Variants in WRN observed in about 807,000 individuals in gnomAD.
WRN encodes WRN RecQ like helicase.
In WRN, 149 loss-of-function variants were observed where a neutral mutation model predicts 180.7. The ratio of observed to expected loss-of-function variants is 0.82; its 90% CI spans 0.72 to 0.94. WRN has a LOEUF of 0.94. WRN is among the 40% of genes least tolerant of loss of function. The pLI is 0.00. For missense variants in WRN, 1,661 were observed against 1,700.1 expected (o/e 0.98, Z 0.40); for synonymous variants, 548 against 568.9 (o/e 0.96, Z 0.52).
At chr8:31,121,831 G>A (rs970773831) in intron 21 of WRN, among the ~76,000 whole-genome samples, 3 of 151,644 alleles carry the variant, frequency 2.0e-5, no homozygotes, top group African/African-American at 4.8e-5. Context: ...TCCTTTTTTT[G>A]TACATAACAA....
intron 19 of WRN, 144 bp downstream of exon 19, chr8:31,111,943 C>A: frequency 3.0e-6 from 3 of 1,009,716 alleles, no homozygotes; most frequent in Non-Finnish European, 2.9e-6. Flanking sequence ...TCAAGTCAAG[C>A]ATGATGTTAT....
chr8:31,102,530 A>G (rs552746227), intron 18 of WRN, among the ~76,000 whole-genome samples: 2 of 152,352 alleles, frequency 1.3e-5, no homozygotes, highest in South Asian at 4.1e-4. Flanking sequence ...ACCTGTACAG[A>G]TGTTACTGTA....
At chr8:31,171,513 C>G (rs1804101719) in intron 34 of WRN, 1 of 152,146 alleles carries the variant, frequency 6.6e-6, no homozygotes, top group South Asian at 2.1e-4. Flanking sequence ...ATTTCTAAGT[C>G]ATAGTATCTT....
chr8:31,077,365 C>G (rs536296930), intron 8 of WRN, among the ~76,000 whole-genome samples: 3 of 152,098 alleles, frequency 2.0e-5, no homozygotes, highest in South Asian at 2.1e-4. Context: ...CTCAGCCTCC[C>G]GAGTAGCTGG....
At chr8:31,074,077 C>A (rs879813957) in intron 7 of WRN, among the ~76,000 whole-genome samples, 1 of 151,198 alleles carries the variant, frequency 6.6e-6, no homozygotes. Context: ...CCACCATGCC[C>A]GGCTAATTTT....
At chr8:31,075,055 T>C (rs964951195) in intron 7 of WRN, among the ~76,000 whole-genome samples, 2 of 152,164 alleles carry the variant, frequency 1.3e-5, no homozygotes, top group East Asian at 3.9e-4. Context: ...AAGAAAAGAT[T>C]GTCGGAAATG....
At chr8:31,072,058 G>A (rs995580940) in intron 7 of WRN, among the ~76,000 whole-genome samples, 2 of 152,184 alleles carry the variant, frequency 1.3e-5, no homozygotes, top group African/African-American at 4.8e-5. Context: ...TAGCACAGAG[G>A]ACAGTTTGAG....
rs1018584384 is a variant in WRN at position 31,076,400 on chromosome 8, T to C, written c.839+113T>C. 3 of 863,444 alleles carry C rather than the reference T, an allele frequency of 3.5e-6. No homozygotes were observed. The African/African-American group carries it at 5.1e-5, about 15-fold the overall frequency. The allele number at this position is 863,444 out of a possible 1,614,324, so 53.5% of individuals were successfully genotyped here. ...TTAAGGCTGACTCATAGAAATTTGC[T>C]TGAATACACACACACAGACTGATGC... On this transcript the variant is annotated intron_variant, in intron 8 of 34. Transcript: ENST00000298139.
chr8:31,154,845 G>T, intron 32 of WRN, 90 bp downstream of exon 32: 1 of 1,499,554 alleles, frequency 6.7e-7, no homozygotes, highest in Non-Finnish European at 9.2e-7. Context: ...TCTGACTTGG[G>T]ATCAATTTCC....
At chr8:31,122,874 T>G (rs939369805) in intron 21 of WRN, among the ~76,000 whole-genome samples, 1 of 144,000 alleles carries the variant, frequency 6.9e-6, no homozygotes, top group African/African-American at 2.5e-5. Context: ...TTTTTTTTTT[T>G]TTTTTTTTTT....
Position 31,142,702 on chromosome 8 carries a change from GT to G in WRN, c.3309+4del. On this transcript the variant is annotated splice_donor_variant, in intron 27 of 34. Transcript: ENST00000298139. LOFTEE classifies it high-confidence loss of function. ...AGTTGAATTAAGTACAGAGAAGAAGGTTTGTTTTAAAGAAATTGTTCTGATT... is the reference window on the plus strand; with the variant it reads ...AGTTGAATTAAGTACAGAGAAGAAGGTTGTTTTAAAGAAATTGTTCTGATT... 1 of 1,597,690 alleles carries G rather than the reference GT, an allele frequency of 6.3e-7. No individual in the cohort carries two copies. The highest frequency in any genetic ancestry group is 8.5e-7 in the Non-Finnish European group (1 of 1,171,196).
chr8:31,156,305 G>A (rs1205509026), intron 32 of WRN, among the ~76,000 whole-genome samples: 3 of 152,076 alleles, frequency 2.0e-5, no homozygotes, highest in African/African-American at 7.2e-5. Flanking sequence ...TGTGTCTTTT[G>A]GTATTATTTG....
intron 30 of WRN, among the ~76,000 whole-genome samples, chr8:31,148,496 G>T (rs1030452493): frequency 8.6e-5 from 13 of 151,928 alleles, no homozygotes; most frequent in African/African-American, 3.1e-4. Context: ...AATTTGAAAT[G>T]GTTTATCTTA....
At chr8:31,141,347 G>C (rs529249932) in intron 24 of WRN, 83 bp from the exon 25 acceptor site, 1 of 1,549,912 alleles carries the variant, frequency 6.5e-7, no homozygotes, top group African/African-American at 1.4e-5. Context: ...TAAATCCAAA[G>C]AATCAATAGA....
Position 31,083,782 on chromosome 8 carries a change from A to G in WRN, c.1350+3A>G, listed in dbSNP as rs182813211. On this transcript the variant is annotated splice_donor_region_variant and intron_variant, in intron 10 of 34. Coordinates refer to ENST00000298139, the MANE Select transcript of WRN (RefSeq NM_000553.6). The stretch of plus-strand genomic sequence containing the variant: ...ATTTAGAAATGGAGATGCTTAAGGT[A>G]TGTTTACAATTATAAAAATATTACT... The G allele has an allele frequency of 2.1e-4, 296 of 1,393,238 alleles. No individual in the cohort carries two copies. The African/African-American group carries it at 3.5e-3, about 16-fold the overall frequency. The allele number at this position is 1,393,238 out of a possible 1,614,324, so 86.3% of individuals were successfully genotyped here. A position where few individuals can be genotyped will look rare whatever the true frequency, so the allele number is the denominator to read the frequency against.
intron 7 of WRN, among the ~76,000 whole-genome samples, chr8:31,074,625 C>T (rs1346465828): frequency 6.6e-6 from 1 of 151,964 alleles, no homozygotes; most frequent in Non-Finnish European, 1.5e-5. Flanking sequence ...GTGTCATCAT[C>T]GATGTGTTTA....
chr8:31,088,714 A>T (rs1417738914), intron 12 of WRN, among the ~76,000 whole-genome samples, 176 bp from the exon 13 acceptor site: 1 of 152,096 alleles, frequency 6.6e-6, no homozygotes, highest in Non-Finnish European at 1.5e-5. Context: ...AAGTAATCCA[A>T]GTGTCACAGA....
chr8:31,133,174 T>A (rs1450532413), intron 24 of WRN, among the ~76,000 whole-genome samples: 1 of 152,230 alleles, frequency 6.6e-6, no homozygotes, highest in East Asian at 1.9e-4. Context: ...TTCCTTTATA[T>A]GATTTTTTCC....
chr8:31,115,774 A>G (rs2130302491), intron 19 of WRN, among the ~76,000 whole-genome samples: 1 of 152,322 alleles, frequency 6.6e-6, no homozygotes, highest in African/African-American at 2.4e-5. Context: ...TACGCTTTTA[A>G]TAAAGAAGCA....
Sources: gnomAD v4.1 joint callset for allele counts (sites outside exome capture counted in the v4.1 genomes callset) on GRCh38, gnomAD v4.1.1 for gene constraint, MANE v1.5 for transcripts, NCBI Gene and HGNC (gene_info 2026-07-23, HGNC 2026-07-21) for gene names.